The following CDAN1 variants were observed in gnomAD, a reference collection of about 807,000 sequenced individuals.
CDAN1 encodes the protein codanin-1.
A neutral mutation model predicts 139.8 loss-of-function variants in CDAN1; 107 were observed. The ratio of observed to expected loss-of-function variants is 0.77; its 90% CI spans 0.65 to 0.90. The LOEUF (loss-of-function observed/expected upper bound fraction) is 0.90, where lower values mean the gene tolerates loss of function less well. Among genes scored for constraint, CDAN1 ranks in the 40% least tolerant of loss-of-function variants. The pLI, the probability that CDAN1 is intolerant of heterozygous loss-of-function variation, is 0.00. For synonymous variants in CDAN1, 776 were observed against 660.6 expected, an observed-to-expected ratio of 1.17 and a Z score of -2.68; for missense variants, 1,667 against 1,575.7, an observed-to-expected ratio of 1.06 and a Z score of -0.98.
At chr15:42,736,204 TACCCATCCTGGCGCTCC>T (rs2061684804) in intron 2 of CDAN1, 81 bp downstream of exon 2, 3 of 1,583,274 alleles carry the variant, frequency 1.9e-6, no homozygotes, top group Non-Finnish European at 2.6e-6. Flanking sequence ...CCCAGCCTTC[TACCCATCCTGGCGCTCC>T]ACTGCGGAGC....
intron 26 of CDAN1, 33 bp from the exon 27 acceptor site, chr15:42,725,284 A>G: frequency 6.3e-7 from 1 of 1,588,238 alleles, no homozygotes; most frequent in Non-Finnish European, 8.6e-7. Context: ...GGTTGCTAGG[A>G]GGACGACAGA....
chr15:42,733,077 G>A lies in CDAN1; in HGVS notation c.1457+20C>T, dbSNP rs376378638. On this transcript the variant is annotated intron_variant, in intron 9 of 27. Coordinates refer to ENST00000356231, the MANE Select transcript of CDAN1 (RefSeq NM_138477.4). ...GCTACTCATTGCCAGGAACAAGAAAGACAAGGTCTGAGCACCCACCTGATT... is the reference window on the plus strand; with the variant it reads ...GCTACTCATTGCCAGGAACAAGAAAAACAAGGTCTGAGCACCCACCTGATT... 6.2e-7 allele frequency: 1 copy of A among 1,611,474 alleles called. No homozygotes were observed. The highest frequency in any genetic ancestry group is 2.2e-5 in the East Asian group (1 of 44,868).
chr15:42,729,379 C>G lies in CDAN1; in HGVS notation c.2408-17G>C. On this transcript the variant is annotated splice_polypyrimidine_tract_variant and intron_variant, in intron 17 of 27. Transcript: ENST00000356231. ...GGAGCTCTCCTGTATCAGTGAAGTC[C>G]AAGTTCTCAGTTCCAGAACCCTCTC... 1.2e-6 allele frequency: 2 copies of G among 1,614,094 alleles called. No individual in the cohort carries two copies. The highest frequency in any genetic ancestry group is 1.7e-6 in the Non-Finnish European group (2 of 1,179,966).
In CDAN1 at chr15:42,728,784, C is replaced by A. The variant is rs111609226; in HGVS notation, c.2672G>T (p.Arg891Leu). The A allele has an allele frequency of 2.5e-6, 4 of 1,614,060 alleles. No homozygotes were observed. The African/African-American group carries it at 4.0e-5, about 16-fold the overall frequency. ...IKATLVADLV[R>L]QAESLLQEQL... ...CTCTTGGAGAAGTGACTCTGCCTGGCGCACCAGATCTGCCACCAGTGTAGC... is the reference window on the plus strand; with the variant it reads ...CTCTTGGAGAAGTGACTCTGCCTGGAGCACCAGATCTGCCACCAGTGTAGC... Residue 891 changes from arginine to leucine, a missense_variant, in exon 20 of 28, where the codon CGC becomes CTC. Transcript: ENST00000356231.
chr15:42,724,808 C>G, intron 27 of CDAN1, 192 bp from the exon 28 acceptor site: 2 of 712,554 alleles, frequency 2.8e-6, no homozygotes, highest in Non-Finnish European at 4.8e-6. Flanking sequence ...GGAGCGAACT[C>G]TGATGGAGGC....
rs1566989412 is a variant in CDAN1 at position 42,736,008 on chromosome 15, A to C, written c.640T>G (p.Cys214Gly). ...CAGCTGATTGGGGGTGAGGTGAAGC[A>C]GGTCTTGGGCTTGGAGAGTGACCGC... Reference protein sequence around the residue: ...EERSLSKPKTCFTSPPISCVP... With the variant: ...EERSLSKPKTGFTSPPISCVP... The change falls in exon 3 of 28, where the codon TGC (cysteine) becomes GGC (glycine). Residue 214 changes from cysteine (C) to glycine (G), a missense_variant. By Grantham distance (159) the Cys-to-Gly change is radical (BLOSUM62 -3). Transcript: ENST00000356231. 6.2e-7 allele frequency: 1 copy of C among 1,614,154 alleles called. No homozygotes were observed. The highest frequency in any genetic ancestry group is 8.5e-7 in the Non-Finnish European group (1 of 1,180,016).
At chr15:42,725,445 T>G (rs761937848) in intron 26 of CDAN1, 44 bp downstream of exon 26, 3 of 1,611,458 alleles carry the variant, frequency 1.9e-6, no homozygotes, top group Non-Finnish European at 2.5e-6. Context: ...GTGGTGGATG[T>G]TCAGAGTGTG....
intron 26 of CDAN1, 86 bp downstream of exon 26, chr15:42,725,403 G>C: frequency 1.3e-6 from 2 of 1,546,752 alleles, no homozygotes; most frequent in South Asian, 2.2e-5. Context: ...GGGAAATAAA[G>C]GATGCAGAGC....
intron 6 of CDAN1, 105 bp downstream of exon 6, chr15:42,734,995 C>T (rs2061668526): frequency 1.3e-6 from 1 of 783,446 alleles, no homozygotes; most frequent in African/African-American, 1.7e-5. Flanking sequence ...GGAGAAGGTC[C>T]AGGACCACTG....
chr15:42,729,112 C>G lies in CDAN1; in HGVS notation c.2556G>C (p.Gln852His). The G allele has an allele frequency of 1.2e-6, 2 of 1,614,198 alleles. No homozygotes were observed. Among genetic ancestry groups the G allele is most frequent in the Non-Finnish European group, 8.5e-7 (1 of 1,180,028 alleles). The part of the protein sequence containing the change: ...TSQGLQAQLA[Q>H]AFFHNQPPSL... ...AGGGCGGCTGGTTGTGGAAAAAGGC[C>G]TGGGCGAGCTGTGCCTGGGGGGAGG... is the stretch of plus-strand genomic sequence containing the variant. Residue 852 changes from glutamine (Q) to histidine (H), a missense_variant, in exon 19 of 28, where the codon CAG (glutamine) becomes CAC (histidine). By Grantham distance (24) the Gln-to-His change is conservative. Transcript: ENST00000356231.
Position 42,729,550 on chromosome 15 carries a change from G to A in CDAN1, c.2407+18C>T, listed in dbSNP as rs1395081239. On this transcript the variant is annotated intron_variant, in intron 17 of 27. Transcript: ENST00000356231. ...GGAGGGACAGACCAAGGACCGTCCA[G>A]GGAAGACCGGTGCTCACCGATGTAG... 3.1e-6 allele frequency: 5 copies of A among 1,614,028 alleles called. No individual in the cohort carries two copies. Among genetic ancestry groups the A allele is most frequent in the Non-Finnish European group, 4.2e-6 (5 of 1,180,014 alleles).
chr15:42,731,573 CT>C, intron 11 of CDAN1, 46 bp downstream of exon 11: 1 of 1,600,698 alleles, frequency 6.2e-7, no homozygotes, highest in Non-Finnish European at 8.6e-7. Context: ...GAAGCCAAAC[CT>C]TTCCTGGCCT....
chr15:42,728,202 A>ACGGCTGC lies in CDAN1; in HGVS notation c.2863_2868+1dup, dbSNP rs2140471475. The ACGGCTGC allele has an allele frequency of 2.5e-6, 4 of 1,613,486 alleles. No individual in the cohort carries two copies. The highest frequency in any genetic ancestry group is 3.4e-6 in the Non-Finnish European group (4 of 1,179,936). The stretch of plus-strand genomic sequence containing the variant: ...CTAGCTGCAGGCCTCCCTCACACGT[A>ACGGCTGC]CGGCTGCCGGGGTCTCCTCTGGAAG... On this transcript the variant is annotated splice_donor_variant, in intron 21 of 27. Transcript: ENST00000356231. LOFTEE classifies it high-confidence loss of function.
chr15:42,736,126 T>G, intron 2 of CDAN1, 48 bp from the exon 3 acceptor site: 2 of 1,599,062 alleles, frequency 1.3e-6, no homozygotes, highest in Non-Finnish European at 1.7e-6. Flanking sequence ...TCTTCAAACA[T>G]CTCCCCTCCA....
rs1391875070 is a variant in CDAN1, at chr15:42,724,500, G to A, written c.3675C>T (p.Ala1225=). The change falls in exon 28 of 28, where the codon GCC becomes GCT. Residue 1225 remains alanine, a synonymous_variant. Coordinates refer to ENST00000356231, the MANE Select transcript of CDAN1 (RefSeq NM_138477.4). ...LVQPNRGTVL[A]QS ...GGGCCACTTCTCAGCCCTAGCTCTG[G>A]GCCAGCACAGTGCCCCGGTTTGGCT... 1.3e-6 allele frequency: 2 copies of A among 1,576,922 alleles called. No homozygotes were observed. Among genetic ancestry groups the A allele is most frequent in the Non-Finnish European group, 1.7e-6 (2 of 1,160,146 alleles).
Position 42,731,281 on chromosome 15 carries a change from T to C in CDAN1, c.1790A>G (p.Glu597Gly), listed in dbSNP as rs778169314. 1 of 1,614,154 alleles carries C rather than the reference T, an allele frequency of 6.2e-7. No individual in the cohort carries two copies. Among genetic ancestry groups the C allele is most frequent in the Non-Finnish European group, 8.5e-7 (1 of 1,180,036 alleles). ...CTGGGGCAGGGCAAGACCATTGAGC[T>C]CCTGGATCTTCAAGCTCAGACTGTC... The part of the protein sequence containing the change: ...LMDSLSLKIQ[E>G]LNGLALPQHE... The change falls in exon 12 of 28, where the codon GAG (glutamate) becomes GGG (glycine). Residue 597 changes from glutamate to glycine, a missense_variant. Glu to Gly is a moderately conservative substitution (Grantham distance 98). Coordinates refer to ENST00000356231, the MANE Select transcript of CDAN1 (RefSeq NM_138477.4).
chr15:42,727,483 T>G, intron 23 of CDAN1, 138 bp downstream of exon 23: 1 of 748,908 alleles, frequency 1.3e-6, no homozygotes, highest in South Asian at 2.4e-5. Context: ...CATTCAGTAA[T>G]GAGTGAAACG....
chr15:42,724,699 T>C (rs749685042), intron 27 of CDAN1, 83 bp from the exon 28 acceptor site: 188 of 1,493,920 alleles, frequency 1.3e-4, no homozygotes, highest in Middle Eastern at 5.2e-4. Flanking sequence ...GACCACAACC[T>C]GGCTGGCTAT....
intron 27 of CDAN1, 154 bp from the exon 28 acceptor site, chr15:42,724,770 G>T: frequency 9.8e-7 from 1 of 1,015,754 alleles, no homozygotes; most frequent in Non-Finnish European, 1.5e-6. Context: ...CTGTTTGTTA[G>T]TACTCTGGGA....
Sources: gnomAD v4.1 joint callset for allele counts on GRCh38, gnomAD v4.1.1 for gene constraint, MANE v1.5 for transcripts, NCBI Gene and HGNC (gene_info 2026-07-23, HGNC 2026-07-21) for gene names.